WDR11: variants seen among roughly 807,000 people sequenced by gnomAD.
The protein encoded by WDR11 is WD repeat-containing protein 11.
Under a neutral mutation model 151.2 loss-of-function variants are expected in WDR11, and 83 were observed. The ratio of observed to expected loss-of-function variants is 0.55; its 90% CI spans 0.46 to 0.66. The LOEUF is 0.66. Among genes scored for constraint, WDR11 ranks in the 30% least tolerant of loss-of-function variants. The pLI, the probability that WDR11 is intolerant of heterozygous loss-of-function variation, is 0.00. For missense variants in WDR11, 1,301 were observed against 1,480.9 expected (o/e 0.88, Z 1.99); for synonymous variants, 484 against 533.1 (o/e 0.91, Z 1.27).
chr10:120,872,579 T>C (rs1846586405), intron 10 of WDR11, among the ~76,000 whole-genome samples: 1 of 101,092 alleles, frequency 9.9e-6, no homozygotes, highest in Admixed American at 1.1e-4. Context: ...TATAAGTACC[T>C]AAAAGTTTGT....
intron 3 of WDR11, 101 bp downstream of exon 3, chr10:120,858,897 A>T (rs780042827): frequency 4.3e-5 from 61 of 1,425,528 alleles, no homozygotes; most frequent in Non-Finnish European, 5.8e-5. Flanking sequence ...AATTTTATCA[A>T]TTCCAAGTTA....
At chr10:120,874,135 T>C (rs745374201) in intron 11 of WDR11, among the ~76,000 whole-genome samples, 2 of 151,402 alleles carry the variant, frequency 1.3e-5, no homozygotes, top group African/African-American at 2.4e-5. Flanking sequence ...GAATGTTTTC[T>C]CTTTTATTAG....
chr10:120,852,748 T>C (rs958397089), intron 2 of WDR11, 113 bp downstream of exon 2: 3 of 898,408 alleles, frequency 3.3e-6, no homozygotes, highest in East Asian at 2.7e-5. Context: ...CTTTTAAATA[T>C]AACAACCTAT....
chr10:120,881,742 T>C (rs1189217547), intron 13 of WDR11, among the ~76,000 whole-genome samples: 1 of 152,174 alleles, frequency 6.6e-6, no homozygotes, highest in Non-Finnish European at 1.5e-5. Flanking sequence ...TAGTTATTAC[T>C]TCTAGTATAG....
intron 19 of WDR11, among the ~76,000 whole-genome samples, chr10:120,893,183 G>C (rs1192564611): frequency 9.0e-6 from 1 of 110,792 alleles, no homozygotes; most frequent in Non-Finnish European, 1.8e-5. Flanking sequence ...CCCCACAACA[G>C]TCCCAGGTGT....
At chr10:120,889,746 G>A in intron 17 of WDR11, 149 bp from the exon 18 acceptor site, 1 of 686,266 alleles carries the variant, frequency 1.5e-6, no homozygotes, top group Non-Finnish European at 2.6e-6. Context: ...GGCCCTTTCT[G>A]TCAGATGTGG....
intron 19 of WDR11, among the ~76,000 whole-genome samples, chr10:120,892,909 G>C (rs747254215): frequency 6.6e-6 from 1 of 151,956 alleles, no homozygotes; most frequent in East Asian, 1.9e-4. Context: ...ATATGAGACT[G>C]TTTAATAGCA....
In WDR11 at chr10:120,905,987, G is replaced by A. The variant is rs1202453441; in HGVS notation, c.3403G>A (p.Gly1135Ser). ...SKALLVLLSL[G>S]CFFSVAETLH... ...GGCTCTCCTGGTTCTCCTCTCTCTG[G>A]GCTGCTTTTTTAGCGTGGCAGAGAC... The change falls in exon 27 of 29, where the codon GGC (glycine) becomes AGC (serine). Residue 1135 changes from glycine (G) to serine (S), a missense_variant. Gly to Ser is a moderately conservative substitution (Grantham distance 56). Coordinates refer to ENST00000263461, the MANE Select transcript of WDR11 (RefSeq NM_018117.12). The A allele has an allele frequency of 1.9e-6, 3 of 1,613,992 alleles. No homozygotes were observed. The highest frequency in any genetic ancestry group is 2.5e-6 in the Non-Finnish European group (3 of 1,180,010).
intron 4 of WDR11, 24 bp downstream of exon 4, chr10:120,860,306 A>T: frequency 6.2e-7 from 1 of 1,609,778 alleles, no homozygotes; most frequent in Admixed American, 1.7e-5. Context: ...GCTTGTGGAA[A>T]ATGAGTTAAG....
chr10:120,872,184 T>C (rs1590074428), intron 10 of WDR11, among the ~76,000 whole-genome samples: 3 of 152,356 alleles, frequency 2.0e-5, no homozygotes, highest in South Asian at 2.1e-4. Context: ...CATTTGGGTA[T>C]TACTGTTTGG....
chr10:120,904,515 T>C, intron 24 of WDR11, 131 bp from the exon 25 acceptor site: 1 of 1,166,032 alleles, frequency 8.6e-7, no homozygotes, highest in Non-Finnish European at 1.2e-6. Flanking sequence ...AATGTTTGTA[T>C]TTGTAAACAA....
At chr10:120,872,550 T>C (rs922974916) in intron 10 of WDR11, among the ~76,000 whole-genome samples, 5 of 74,490 alleles carry the variant, frequency 6.7e-5, no homozygotes, top group African/African-American at 1.1e-4. Context: ...TTACTGAATT[T>C]AGTATAACAA....
chr10:120,908,802 G>T lies in WDR11; in HGVS notation c.*89G>T, dbSNP rs914535422. On this transcript the variant is annotated 3_prime_UTR_variant, in exon 29 of 29. Coordinates refer to ENST00000263461, the MANE Select transcript of WDR11 (RefSeq NM_018117.12). ...GGCCACCGTCACAGTCCAGGATGAA[G>T]AGGAGTACAGGGTCCTGTGAGCTGT... The T allele has an allele frequency of 6.9e-7, 1 of 1,441,638 alleles. No homozygotes were observed. Among genetic ancestry groups the T allele is most frequent in the African/African-American group, 1.4e-5 (1 of 71,312 alleles). The allele number at this position is 1,441,638 out of a possible 1,614,324, so 89.3% of individuals were successfully genotyped here.
intron 19 of WDR11, among the ~76,000 whole-genome samples, chr10:120,893,835 A>G (rs1264010021): frequency 1.3e-5 from 2 of 150,120 alleles, no homozygotes; most frequent in African/African-American, 2.4e-5. Context: ...GTCTGTTCAT[A>G]TCCTTCGCCC....
In WDR11 at chr10:120,904,905, TACATATGCTGAAGAAAA is replaced by T. The variant is rs1393823835; in HGVS notation, c.3193+96_3193+112del. ...TTAGTAGGGACATTTCTTTCTCTTTTACATATGCTGAAGAAAAATAGAAAAATTATTGCTACCTATAA... is the reference window on the plus strand; with the variant it reads ...TTAGTAGGGACATTTCTTTCTCTTTTATAGAAAAATTATTGCTACCTATAA... On this transcript the variant is annotated intron_variant, in intron 25 of 28. Transcript: ENST00000263461. 3.2e-5 allele frequency: 47 copies of T among 1,447,146 alleles called. No individual in the cohort carries two copies. In the African/African-American group the frequency reaches 5.5e-4, roughly 17 times the overall value. 89.6% of individuals were successfully genotyped at this position (1,447,146 alleles called of 1,614,324 possible). A position where few individuals can be genotyped will look rare whatever the true frequency, so the allele number is the denominator to read the frequency against.
chr10:120,860,040 G>C, intron 3 of WDR11, 69 bp from the exon 4 acceptor site: 1 of 1,579,002 alleles, frequency 6.3e-7, no homozygotes, highest in Non-Finnish European at 8.7e-7. Context: ...AAATATCAAG[G>C]ACAAGTTAGC....
intron 19 of WDR11, among the ~76,000 whole-genome samples, chr10:120,891,967 G>T (rs1487691075): frequency 6.6e-6 from 1 of 152,080 alleles, no homozygotes; most frequent in African/African-American, 2.4e-5. Context: ...GCACCAGGAT[G>T]GCCTCCTAGG....
chr10:120,883,562 A>C (rs1177133388), intron 13 of WDR11, among the ~76,000 whole-genome samples: 2 of 151,726 alleles, frequency 1.3e-5, no homozygotes, highest in Non-Finnish European at 2.9e-5. Context: ...TCCAAGTTGG[A>C]CTCCTTGCCT....
intron 1 of WDR11, 48 bp from the exon 2 acceptor site, chr10:120,852,473 AGTC>A (rs1845814493): frequency 6.7e-7 from 1 of 1,492,066 alleles, no homozygotes; most frequent in Non-Finnish European, 9.3e-7. Context: ...GCAAGAAAGA[AGTC>A]GTCCTGCTTT....
Sources: gnomAD v4.1 joint callset for allele counts (sites outside exome capture counted in the v4.1 genomes callset) on GRCh38, gnomAD v4.1.1 for gene constraint, MANE v1.5 for transcripts, NCBI Gene and HGNC (gene_info 2026-07-23, HGNC 2026-07-21) for gene names.